Variants in TRIQK observed in about 807,000 individuals in gnomAD.
The protein encoded by TRIQK is triple QxxK/R motif-containing protein.
TRIQK carries 10 observed loss-of-function variants against 10.8 expected under a neutral mutation model. The ratio of observed to expected loss-of-function variants is 0.92; its 90% CI spans 0.57 to 1.57. The LOEUF (loss-of-function observed/expected upper bound fraction) is 1.57. TRIQK is among the 40% of genes most tolerant of loss of function. The pLI is 0.00. For synonymous variants in TRIQK, 33 were observed against 33.7 expected (o/e 0.98, Z 0.07); for missense variants, 107 against 97.7 (o/e 1.09, Z -0.40).
chr8:92,903,324 T>G (rs1441145111), intron 3 of TRIQK, among the ~76,000 whole-genome samples: 1 of 151,878 alleles, frequency 6.6e-6, no homozygotes, highest in Non-Finnish European at 1.5e-5. Context: ...TATGGAAGTT[T>G]TATCCAGACA....
upstream of TRIQK, among the ~76,000 whole-genome samples, chr8:92,969,385 A>G (rs1188350811): frequency 6.6e-6 from 1 of 152,146 alleles, no homozygotes; most frequent in African/African-American, 2.4e-5. Context: ...TAGAAAATAT[A>G]TATTGTAATA....
intron 1 of TRIQK, among the ~76,000 whole-genome samples, chr8:92,957,006 C>A (rs1229361278): frequency 6.6e-6 from 1 of 151,764 alleles, no homozygotes; most frequent in Non-Finnish European, 1.5e-5. Flanking sequence ...ATGACAGGTA[C>A]AATTTCCCAA....
chr8:92,886,731 A>C lies in TRIQK; in HGVS notation c.152T>G (p.Val51Gly). 4 of 1,519,326 alleles carry C rather than the reference A, an allele frequency of 2.6e-6. No homozygotes were observed. Among genetic ancestry groups the C allele is most frequent in the Non-Finnish European group, 3.5e-6 (4 of 1,133,430 alleles). The allele number at this position is 1,519,326 out of a possible 1,614,324, so 94.1% of individuals were successfully genotyped here. A position where few individuals can be genotyped will look rare whatever the true frequency, so the allele number is the denominator to read the frequency against. The stretch of plus-strand genomic sequence containing the variant: ...CAATATAGCTGCAAGTACAAGGCCA[A>C]CTTCCTGGGAAGAAAAAAAAAGTAG... ...AKKTAIGIKE[V>G]GLVLAAILAL... Residue 51 changes from valine (V) to glycine (G), a missense_variant, in exon 5 of 5, where the codon GTT becomes GGT. By Grantham distance (109) the Val-to-Gly change is moderately radical (BLOSUM62 -3). Coordinates refer to ENST00000521988, the MANE Select transcript of TRIQK (RefSeq NM_001171797.2).
At chr8:92,891,239 A>G (rs1182433787) in intron 4 of TRIQK, among the ~76,000 whole-genome samples, 1 of 151,946 alleles carries the variant, frequency 6.6e-6, no homozygotes, top group Non-Finnish European at 1.5e-5. Flanking sequence ...TTGATTTTTC[A>G]TCTGCCAGAT....
At chr8:92,908,302 T>C (rs1809387562) in intron 3 of TRIQK, among the ~76,000 whole-genome samples, 1 of 152,156 alleles carries the variant, frequency 6.6e-6, no homozygotes, top group Admixed American at 6.5e-5. Context: ...ATTATCATCA[T>C]GTGGCAGTAC....
At chr8:92,917,222 T>G (rs1234181964) in intron 2 of TRIQK, among the ~76,000 whole-genome samples, 1 of 152,064 alleles carries the variant, frequency 6.6e-6, no homozygotes, top group African/African-American at 2.4e-5. Flanking sequence ...CATTTGTTTT[T>G]GATAACATTC....
chr8:93,010,151 T>G (rs1376294473), intron 1 of TRIQK, among the ~76,000 whole-genome samples: 1 of 151,914 alleles, frequency 6.6e-6, no homozygotes, highest in African/African-American at 2.4e-5. Flanking sequence ...GGGTAAAGGG[T>G]ACAAAGCTGC....
rs146209958 is a variant in TRIQK, at chr8:92,995,540, A to G, written c.-181+22069T>C. ...CTATCCTATGAGATTTTTATCATTTATCTTATTTTTTTTCACATTTTATTT... is the reference window on the plus strand; with the variant it reads ...CTATCCTATGAGATTTTTATCATTTGTCTTATTTTTTTTCACATTTTATTT... On this transcript the variant is annotated intron_variant, in intron 1 of 4. Coordinates refer to the TRIQK transcript ENST00000520686. 6.5e-3 allele frequency among the ~76,000 whole-genome samples: 982 copies of G among 151,874 alleles called. 9 individuals are homozygous for G. Among genetic ancestry groups the G allele is most frequent in the African/African-American group, 0.019 (808 of 41,450 alleles).
intron 1 of TRIQK, 125 bp downstream of exon 1, chr8:92,965,882 G>A (rs956628280): frequency 2.0e-5 from 3 of 152,580 alleles, no homozygotes; most frequent in African/African-American, 7.2e-5. Context: ...GCCGCTCCCA[G>A]GGACGGAACG....
At chr8:92,946,121 G>A (rs944096553) in intron 2 of TRIQK, among the ~76,000 whole-genome samples, 12 of 152,074 alleles carry the variant, frequency 7.9e-5, no homozygotes, top group Middle Eastern at 3.2e-3. Flanking sequence ...TTTCTCAAGT[G>A]TGATATATCT....
In TRIQK at chr8:92,885,910, C is replaced by G. The variant is rs1480968612; in HGVS notation, c.*712G>C. 1 of 151,550 alleles carries G rather than the reference C, an allele frequency of 6.6e-6. No homozygotes were observed. The highest frequency in any genetic ancestry group is 2.4e-5 in the African/African-American group (1 of 41,342). The allele number at this position is 151,550 out of a possible 1,614,324, so 9.4% of individuals were successfully genotyped here. On this transcript the variant is annotated 3_prime_UTR_variant, in exon 5 of 5. Transcript: ENST00000521988. ...GAACAACATAATTAGAATAGAATTC[C>G]AAGGTTATATTAATAGAGTAATAAG...
chr8:92,885,505 T>C lies in TRIQK; in HGVS notation c.*1117A>G, dbSNP rs1816433165. 1.3e-5 allele frequency: 2 copies of C among 153,568 alleles called. No individual in the cohort carries two copies. The highest frequency in any genetic ancestry group is 4.8e-5 in the African/African-American group (2 of 41,396). 9.5% of individuals were successfully genotyped at this position (153,568 alleles called of 1,614,324 possible). A position where few individuals can be genotyped will look rare whatever the true frequency, so the allele number is the denominator to read the frequency against. ...GTATTTTCCAGTTTTCTAAGGTTTA[T>C]GTGTTCAAGCATTGTAAAAACATAT... On this transcript the variant is annotated 3_prime_UTR_variant, in exon 5 of 5. Transcript: ENST00000521988.
intron 2 of TRIQK, among the ~76,000 whole-genome samples, chr8:92,942,300 G>T (rs1449236315): frequency 6.6e-6 from 1 of 152,092 alleles, no homozygotes; most frequent in Non-Finnish European, 1.5e-5. Flanking sequence ...AAATCCACAT[G>T]ATCTTTTCAG....
At chr8:92,969,102 G>T (rs1311887441), upstream of TRIQK, among the ~76,000 whole-genome samples, 2 of 152,200 alleles carry the variant, frequency 1.3e-5, no homozygotes, top group Non-Finnish European at 2.9e-5. Flanking sequence ...TCAAAGATCA[G>T]ATGGTTGTAG....
At chr8:92,927,940 G>A (rs949613221) in intron 2 of TRIQK, 1 of 152,152 alleles carries the variant, frequency 6.6e-6, no homozygotes, top group Non-Finnish European at 1.5e-5. Flanking sequence ...TGATTCACAG[G>A]TATGTGAACA....
intron 2 of TRIQK, chr8:92,921,785 T>A (rs1179209728): frequency 6.6e-6 from 1 of 151,920 alleles, no homozygotes. Flanking sequence ...TATAAACTGA[T>A]GCAATTATCA....
At chr8:92,949,608 AAAGG>A (rs1340480204) in intron 2 of TRIQK, among the ~76,000 whole-genome samples, 1 of 147,880 alleles carries the variant, frequency 6.8e-6, no homozygotes, top group African/African-American at 2.5e-5. Context: ...AAGAAAAGAG[AAAGG>A]AAGGGAGGGA....
intron 3 of TRIQK, among the ~76,000 whole-genome samples, chr8:92,898,839 A>G (rs1309035857): frequency 3.2e-3 from 217 of 68,582 alleles, no homozygotes; most frequent in Non-Finnish European, 4.6e-3. Flanking sequence ...GTGTGTATAT[A>G]TATATATATA....
chr8:92,957,062 T>C (rs1021709251), intron 1 of TRIQK, among the ~76,000 whole-genome samples: 3 of 151,762 alleles, frequency 2.0e-5, no homozygotes, highest in Non-Finnish European at 4.4e-5. Flanking sequence ...TGCCCAAGCA[T>C]GCAAAGTTGA....
Sources: gnomAD v4.1 joint callset for allele counts (sites outside exome capture counted in the v4.1 genomes callset) on GRCh38, gnomAD v4.1.1 for gene constraint, MANE v1.5 for transcripts, NCBI Gene and HGNC (gene_info 2026-07-23, HGNC 2026-07-21) for gene names.